CEP128: variants seen among roughly 807,000 people sequenced by gnomAD.
CEP128 encodes centrosomal protein 128kDa.
A neutral mutation model predicts 156.7 loss-of-function variants in CEP128; 132 were observed. That is an observed-to-expected ratio of 0.84 (90% CI 0.73 to 0.97). CEP128 has a LOEUF of 0.97. Among genes scored for constraint, CEP128 ranks in the 50% least tolerant of loss-of-function variants. The probability of loss-of-function intolerance (pLI) is 0.00; values close to 1 mark genes in which losing one functional copy is unlikely to be tolerated. For synonymous variants in CEP128, 469 were observed against 448.9 expected (o/e 1.04, Z -0.57); for missense variants, 1,252 against 1,281.9 (o/e 0.98, Z 0.36).
At chr14:80,513,241 T>C (rs1373408052) in intron 23 of CEP128, among the ~76,000 whole-genome samples, 1 of 152,200 alleles carries the variant, frequency 6.6e-6, no homozygotes, top group Non-Finnish European at 1.5e-5. Context: ...TTTTCCTGGA[T>C]ACACTATTCT....
At chr14:80,607,073 C>A (rs1892813445) in intron 19 of CEP128, among the ~76,000 whole-genome samples, 1 of 151,076 alleles carries the variant, frequency 6.6e-6, no homozygotes, top group Non-Finnish European at 1.5e-5. Flanking sequence ...ATGTGTGCAT[C>A]GAATATATGT....
intron 23 of CEP128, 95 bp downstream of exon 23, chr14:80,526,774 T>G: frequency 3.4e-6 from 2 of 595,150 alleles, no homozygotes; most frequent in South Asian, 4.8e-5. Flanking sequence ...CTTTCACAAG[T>G]GCCCTTACAC....
chr14:80,504,168 T>C (rs1462854934), intron 24 of CEP128, among the ~76,000 whole-genome samples: 8 of 152,204 alleles, frequency 5.3e-5, no homozygotes, highest in Non-Finnish European at 1.0e-4. Flanking sequence ...AAACAACTTA[T>C]ATGTATATTA....
chr14:80,806,019 G>A (rs932106132), intron 13 of CEP128, among the ~76,000 whole-genome samples: 1 of 151,898 alleles, frequency 6.6e-6, no homozygotes, highest in Admixed American at 6.6e-5. Flanking sequence ...AAAACATCAG[G>A]GGCCATGGTA....
chr14:80,750,068 C>G (rs1411208472), intron 18 of CEP128, among the ~76,000 whole-genome samples: 1 of 152,142 alleles, frequency 6.6e-6, no homozygotes, highest in Admixed American at 6.5e-5. Context: ...TTTTCAACCT[C>G]CTGTCAATAG....
chr14:80,777,745 A>C (rs1900871895), intron 16 of CEP128, 137 bp downstream of exon 16: 2 of 636,792 alleles, frequency 3.1e-6, no homozygotes, highest in African/African-American at 3.7e-5. Flanking sequence ...ATTCTAATAA[A>C]CTGACTTTTT....
rs368538137 is a variant in CEP128 at position 80,750,076 on chromosome 14, T to C, written c.2614-6809A>G. Among the ~76,000 whole-genome samples the C allele has an allele frequency of 1.6e-4, 24 of 152,296 alleles. 1 individual carries two copies. In the South Asian group the frequency reaches 4.8e-3, roughly 30 times the overall value. On this transcript the variant is annotated intron_variant, in intron 18 of 24. Transcript: ENST00000555265. The stretch of plus-strand genomic sequence containing the variant: ...AGACAGTTTTTCAACCTCCTGTCAA[T>C]AGAGACAACATAGTAGGATTTAATC...
At chr14:80,711,295 T>TTGTGTGTGTGTG (rs138953286) in intron 19 of CEP128, among the ~76,000 whole-genome samples, 1,592 of 145,810 alleles carry the variant, frequency 0.011, 17 homozygotes, top group African/African-American at 0.022. Flanking sequence ...TAAGACTATG[T>TTGTGTGTGTGTG]TGTGTGTGTG....
At chr14:80,499,114 T>C (rs528704648) in intron 24 of CEP128, among the ~76,000 whole-genome samples, 3 of 152,372 alleles carry the variant, frequency 2.0e-5, no homozygotes, top group East Asian at 1.9e-4. Flanking sequence ...AATCCTTTAA[T>C]GGACAAGAAA....
At chr14:80,820,980 CT>C (rs1446443450) in intron 13 of CEP128, among the ~76,000 whole-genome samples, 1 of 152,064 alleles carries the variant, frequency 6.6e-6, no homozygotes. Flanking sequence ...ATTTAATGTG[CT>C]TGAAAAAAAT....
chr14:80,868,751 G>C (rs1264431489), intron 8 of CEP128, among the ~76,000 whole-genome samples: 1 of 151,972 alleles, frequency 6.6e-6, no homozygotes, highest in Non-Finnish European at 1.5e-5. Flanking sequence ...TGCCTAAAGA[G>C]ACTCATAAAT....
intron 19 of CEP128, among the ~76,000 whole-genome samples, chr14:80,716,883 C>T (rs1049622332): frequency 2.6e-5 from 4 of 152,174 alleles, no homozygotes; most frequent in Non-Finnish European, 5.9e-5. Context: ...TCTATATCTT[C>T]GCCAGCAGTT....
chr14:80,913,736 C>T (rs1001594410), intron 4 of CEP128, among the ~76,000 whole-genome samples: 3 of 152,006 alleles, frequency 2.0e-5, no homozygotes, highest in African/African-American at 4.8e-5. Context: ...CAAAGGTATA[C>T]AGAGTGGTAT....
At chr14:80,682,314 C>G (rs1896355393) in intron 19 of CEP128, among the ~76,000 whole-genome samples, 1 of 152,024 alleles carries the variant, frequency 6.6e-6, no homozygotes, top group African/African-American at 2.4e-5. Flanking sequence ...AAAGCTTTAT[C>G]AATAAACCAG....
In CEP128 at chr14:80,792,935, A is replaced by C; in HGVS notation, c.1385T>G (p.Leu462Arg). 1.2e-6 allele frequency: 2 copies of C among 1,614,124 alleles called. No individual in the cohort carries two copies. Among genetic ancestry groups the C allele is most frequent in the Non-Finnish European group, 1.7e-6 (2 of 1,180,022 alleles). Residue 462 changes from leucine (L) to arginine (R), a missense_variant, in exon 14 of 25, where the codon CTC becomes CGC. Physicochemically the swap from Leu to Arg is moderately radical, Grantham distance 102. Coordinates refer to ENST00000555265, the MANE Select transcript of CEP128 (RefSeq NM_152446.5). ...AGCCTCTGACTGCTGGAGCTCACTG[A>C]GGTACCGCTCAGCCTGCTTGGTTGC... ...EDATKQAERY[L>R]SELQQSEALK...
At chr14:80,851,103 C>A (rs1886867100) in intron 9 of CEP128, among the ~76,000 whole-genome samples, 1 of 152,090 alleles carries the variant, frequency 6.6e-6, no homozygotes, top group Non-Finnish European at 1.5e-5. Flanking sequence ...TTATATGCAG[C>A]TGAACAATCA....
intron 8 of CEP128, among the ~76,000 whole-genome samples, chr14:80,869,015 G>GA (rs950270959): frequency 6.6e-5 from 10 of 152,018 alleles, no homozygotes; most frequent in African/African-American, 2.4e-4. Flanking sequence ...TAGATCTGAA[G>GA]AAAAAGATTA....
chr14:80,593,326 A>G (rs987728882), intron 19 of CEP128, among the ~76,000 whole-genome samples: 1 of 152,156 alleles, frequency 6.6e-6, no homozygotes, highest in Non-Finnish European at 1.5e-5. Context: ...TCACAAGGTC[A>G]GGAGATCGAG....
At chr14:80,620,647 C>T (rs1893440502) in intron 19 of CEP128, among the ~76,000 whole-genome samples, 1 of 152,070 alleles carries the variant, frequency 6.6e-6, no homozygotes, top group African/African-American at 2.4e-5. Flanking sequence ...TTACGTAATA[C>T]TGAAGAGAAA....
Sources: allele counts gnomAD v4.1 joint callset (sites outside exome capture counted in the v4.1 genomes callset), GRCh38; gene constraint gnomAD v4.1.1; transcripts MANE v1.5; gene names NCBI Gene and HGNC (gene_info 2026-07-23, HGNC 2026-07-21).